GNB5: variants seen among roughly 807,000 people sequenced by gnomAD.
GNB5 encodes the protein G protein subunit beta 5.
A neutral mutation model predicts 55.3 loss-of-function variants in GNB5; 37 were observed. That is an observed-to-expected ratio of 0.67 (90% CI 0.51 to 0.88). The LOEUF is 0.88. GNB5 is among the 40% of genes least tolerant of loss of function. The pLI is 0.00. For synonymous variants in GNB5, 219 were observed against 198.5 expected, an observed-to-expected ratio of 1.10 and a Z score of -0.87; for missense variants, 476 against 515.3, an observed-to-expected ratio of 0.92 and a Z score of 0.74.
chr15:52,123,227 ACTACT>A (rs1215220991), intron 12 of GNB5, among the ~76,000 whole-genome samples: 1 of 152,180 alleles, frequency 6.6e-6, no homozygotes, highest in Non-Finnish European at 1.5e-5. Flanking sequence ...CTAACACTAG[ACTACT>A]CAACTTACCC....
intron 3 of GNB5, among the ~76,000 whole-genome samples, chr15:52,164,031 C>T (rs1267113859): frequency 2.0e-5 from 3 of 152,150 alleles, no homozygotes; most frequent in East Asian, 1.9e-4. Context: ...CAGCCGGGCA[C>T]GGTGGCTCAC....
At chr15:52,173,431 G>A (rs1027749789) in intron 3 of GNB5, among the ~76,000 whole-genome samples, 5 of 152,210 alleles carry the variant, frequency 3.3e-5, no homozygotes, top group South Asian at 4.1e-4. Flanking sequence ...AATATGAACC[G>A]AGACAGAATA....
intron 3 of GNB5, among the ~76,000 whole-genome samples, chr15:52,164,294 GCAAGACT>G (rs2034403912): frequency 9.9e-6 from 1 of 100,730 alleles, no homozygotes; most frequent in Non-Finnish European, 1.8e-5. Flanking sequence ...GGAGACAACA[GCAAGACT>G]CTGTCTTAAA....
rs573205123 is a variant in GNB5, at chr15:52,153,664, C to G, written c.375+276G>C. ...GGAAAAAAAAGAAACTATTTAAAAA[C>G]TGGTTTCATTTACAAATAAGACTTT... On this transcript the variant is annotated intron_variant, in intron 4 of 12. Transcript: ENST00000261837. Among the ~76,000 whole-genome samples the G allele has an allele frequency of 4.9e-4, 74 of 151,374 alleles. 1 individual carries two copies. The highest frequency in any genetic ancestry group is 1.7e-3 in the African/African-American group (70 of 40,754).
At chr15:52,141,103 T>C in intron 7 of GNB5, 37 bp downstream of exon 7, 1 of 1,607,262 alleles carries the variant, frequency 6.2e-7, no homozygotes, top group Middle Eastern at 1.7e-4. Context: ...TAGTGCTCCT[T>C]GGCAGGTCAA....
chr15:52,160,013 T>A (rs1270631089), intron 3 of GNB5, among the ~76,000 whole-genome samples: 2 of 151,812 alleles, frequency 1.3e-5, no homozygotes, highest in Admixed American at 6.6e-5. Flanking sequence ...AATGGTGTGA[T>A]CTTGGCTCAC....
chr15:52,183,106 C>G (rs921432516), intron 2 of GNB5, among the ~76,000 whole-genome samples: 1 of 152,152 alleles, frequency 6.6e-6, no homozygotes. Context: ...GAGCCGAGAT[C>G]GTGCCACTGC....
intron 12 of GNB5, 113 bp from the exon 13 acceptor site, chr15:52,122,881 T>C (rs1398485697): frequency 1.3e-6 from 1 of 785,792 alleles, no homozygotes; most frequent in Non-Finnish European, 2.2e-6. Context: ...CATACATATA[T>C]GTGTGTGTAC....
intron 9 of GNB5, among the ~76,000 whole-genome samples, chr15:52,129,791 T>C (rs2033527422): frequency 6.6e-6 from 1 of 152,184 alleles, no homozygotes; most frequent in Non-Finnish European, 1.5e-5. Context: ...CAGGGGGTGC[T>C]ACTGGAATTC....
intron 2 of GNB5, 110 bp from the exon 3 acceptor site, chr15:52,179,989 C>T: frequency 7.8e-7 from 1 of 1,284,674 alleles, no homozygotes; most frequent in Non-Finnish European, 9.8e-7. Context: ...CCCGCGGCCC[C>T]GCCCTCCGCG....
At chr15:52,136,064 AACACAC>A (rs147163026) in intron 7 of GNB5, among the ~76,000 whole-genome samples, 13,153 of 97,834 alleles carry the variant, frequency 0.13, 930 homozygotes, top group East Asian at 0.2. Flanking sequence ...GGAAAAGCAG[AACACAC>A]ACACACACAC....
At chr15:52,149,723 CAA>C (rs1242788147) in intron 5 of GNB5, 159 bp downstream of exon 5, 1 of 709,390 alleles carries the variant, frequency 1.4e-6, no homozygotes, top group East Asian at 2.7e-5. Flanking sequence ...CTGAGCTGTT[CAA>C]ACACGGATAG....
intron 7 of GNB5, chr15:52,137,679 G>A (rs955135591): frequency 8.4e-7 from 1 of 1,184,562 alleles, no homozygotes; most frequent in Non-Finnish European, 1.1e-6. Context: ...TATGAGGCCT[G>A]GGCTCTGGCT....
chr15:52,176,357 C>T (rs562520261), intron 3 of GNB5, among the ~76,000 whole-genome samples: 30 of 152,214 alleles, frequency 2.0e-4, no homozygotes, highest in African/African-American at 4.3e-4. Context: ...GCTCGCTCAT[C>T]GCACAGATGG....
In GNB5 at chr15:52,149,519, G is replaced by T. The variant is rs932701478; in HGVS notation, c.417+365C>A. ...TCATTCCCACAGGGCTATGGAGTCT[G>T]GTCAAAGAGAGGGGAGAGAGAATGG... On this transcript the variant is annotated intron_variant, in intron 5 of 12. Transcript: ENST00000261837. 2.2e-5 allele frequency: 12 copies of T among 552,866 alleles called. No homozygotes were observed. In the African/African-American group the frequency reaches 2.3e-4, roughly 10 times the overall value. 34.2% of individuals were successfully genotyped at this position (552,866 alleles called of 1,614,324 possible).
intron 7 of GNB5, chr15:52,140,085 G>A: frequency 5.1e-6 from 3 of 590,918 alleles, no homozygotes; most frequent in Non-Finnish European, 7.0e-6. Context: ...AAACAACAGG[G>A]GCACAATGGT....
chr15:52,164,558 G>A (rs1287214295), intron 3 of GNB5, among the ~76,000 whole-genome samples: 2 of 152,008 alleles, frequency 1.3e-5, no homozygotes. Context: ...AACCTGGGAG[G>A]CGGAGCTTGC....
At chr15:52,176,685 G>A (rs1278632502) in intron 3 of GNB5, among the ~76,000 whole-genome samples, 2 of 152,222 alleles carry the variant, frequency 1.3e-5, no homozygotes, top group African/African-American at 2.4e-5. Context: ...GAGGGAAAGA[G>A]ACATTTGTCA....
intron 3 of GNB5, among the ~76,000 whole-genome samples, chr15:52,165,659 T>G (rs1374091784): frequency 6.6e-6 from 1 of 152,070 alleles, no homozygotes; most frequent in East Asian, 1.9e-4. Flanking sequence ...TGAGGAAATT[T>G]ATCACCACCA....
Sources: gnomAD v4.1 joint callset for allele counts (sites outside exome capture counted in the v4.1 genomes callset) on GRCh38, gnomAD v4.1.1 for gene constraint, MANE v1.5 for transcripts, NCBI Gene and HGNC (gene_info 2026-07-23, HGNC 2026-07-21) for gene names.